The following UBE2QL1 variants were observed in gnomAD, a reference collection of about 807,000 sequenced individuals.
UBE2QL1 encodes the protein ubiquitin-conjugating enzyme E2Q-like protein 1.
UBE2QL1 carries 5 observed loss-of-function variants against 12.6 expected under a neutral mutation model. The observed-to-expected ratio is 0.40, with a 90% confidence interval of 0.21 to 0.83. UBE2QL1 has a LOEUF of 0.83. UBE2QL1 is among the 40% of genes least tolerant of loss of function. The pLI, the probability that UBE2QL1 is intolerant of heterozygous loss-of-function variation, is 0.37. For synonymous variants in UBE2QL1, 96 were observed against 94.5 expected (o/e 1.02, Z -0.10); for missense variants, 99 against 222.6 (o/e 0.44, Z 3.53).
In UBE2QL1 at chr5:6,478,598, TA is replaced by T. The variant is rs1734286100; in HGVS notation, c.355-12619del. 6.6e-6 allele frequency among the ~76,000 whole-genome samples: 1 copy of T among 151,762 alleles called. No individual in the cohort carries two copies. Among genetic ancestry groups the T allele is most frequent in the Non-Finnish European group, 1.5e-5 (1 of 67,938 alleles). ...AGGCTCTGATTCCTGTCACATTTCCTAGTGACATTCTTGGTCTCTTTCGGTT... is the reference window on the plus strand; with the variant it reads ...AGGCTCTGATTCCTGTCACATTTCCTGTGACATTCTTGGTCTCTTTCGGTT... On this transcript the variant is annotated intron_variant, in intron 1 of 1. Coordinates refer to ENST00000399816, the MANE Select transcript of UBE2QL1 (RefSeq NM_001145161.3). The surrounding 1 kb of genome is among the most constrained non-coding windows in gnomAD (Gnocchi z 4.5).
rs1403173482 is a variant in UBE2QL1 at position 6,487,340 on chromosome 5, G to C, written c.355-3878G>C. ...GTTTTGTTTGACAGATGCAGCCCTG[G>C]AGAATTGTATTCTCATTAACACTGT... On this transcript the variant is annotated intron_variant, in intron 1 of 1. Transcript: ENST00000399816. Among the ~76,000 whole-genome samples the C allele has an allele frequency of 2.6e-5, 4 of 152,350 alleles. No homozygotes were observed. The East Asian group carries it at 7.7e-4, about 29-fold the overall frequency.
chr5:6,468,967 A>AG (rs1421545051), intron 1 of UBE2QL1, among the ~76,000 whole-genome samples: 1 of 152,224 alleles, frequency 6.6e-6, no homozygotes, highest in East Asian at 1.9e-4. Context: ...ACTTGAGAAG[A>AG]GGGTAGAATG....
At chr5:6,490,520 G>A (rs1004611868) in intron 1 of UBE2QL1, among the ~76,000 whole-genome samples, 4 of 152,040 alleles carry the variant, frequency 2.6e-5, no homozygotes, top group Non-Finnish European at 5.9e-5. Context: ...ACCCCCTCCC[G>A]GGATCGTGTG....
chr5:6,486,411 C>T (rs888939410), intron 1 of UBE2QL1, among the ~76,000 whole-genome samples: 2 of 152,116 alleles, frequency 1.3e-5, no homozygotes, highest in African/African-American at 4.8e-5. Context: ...CATTTCACAC[C>T]TTCAATTTGG....
In UBE2QL1 at chr5:6,449,101, C is replaced by G. The variant is rs1243995457; in HGVS notation, c.208C>G (p.Arg70Gly). ...DNFPFSPPFM[R>G]VLSPRLENGY... is the part of the protein sequence containing the mutation. ...CTTCCCCTTCTCGCCGCCCTTCATG[C>G]GGGTGCTCAGCCCGCGCCTGGAGAA... Residue 70 changes from arginine to glycine, a missense_variant, in exon 1 of 2, where the codon CGG (arginine) becomes GGG (glycine). By Grantham distance (125) the Arg-to-Gly change is moderately radical. Transcript: ENST00000399816. 1 of 1,547,564 alleles carries G rather than the reference C, an allele frequency of 6.5e-7. No homozygotes were observed. Among genetic ancestry groups the G allele is most frequent in the Non-Finnish European group, 8.7e-7 (1 of 1,145,296 alleles).
chr5:6,482,302 C>T (rs920404861), intron 1 of UBE2QL1, among the ~76,000 whole-genome samples: 1 of 152,132 alleles, frequency 6.6e-6, no homozygotes, highest in Non-Finnish European at 1.5e-5. Context: ...TTCAAGCCCC[C>T]AGTTGGAGTG....
intron 1 of UBE2QL1, among the ~76,000 whole-genome samples, chr5:6,458,665 A>G (rs1326701490): frequency 2.6e-5 from 4 of 152,226 alleles, no homozygotes; most frequent in African/African-American, 9.6e-5. Context: ...AATTGCTGCT[A>G]GGATTAATTT....
chr5:6,472,969 G>A (rs1016946666), intron 1 of UBE2QL1, among the ~76,000 whole-genome samples: 2 of 152,106 alleles, frequency 1.3e-5, no homozygotes, highest in African/African-American at 4.8e-5. Context: ...TCCTTTCTCT[G>A]CAGTAAACAC....
intron 1 of UBE2QL1, among the ~76,000 whole-genome samples, chr5:6,482,113 G>A (rs972996929): frequency 1.3e-5 from 2 of 152,216 alleles, no homozygotes; most frequent in African/African-American, 2.4e-5. Flanking sequence ...GATTCACAGA[G>A]AACACCGTAT....
rs930417770 is a variant in UBE2QL1, at chr5:6,476,564, A to C, written c.355-14654A>C. On this transcript the variant is annotated intron_variant, in intron 1 of 1. Transcript: ENST00000399816. This position sits in a 1 kb window ranked among gnomAD's most constrained non-coding sequence, Gnocchi z 4.9. The stretch of plus-strand genomic sequence containing the variant: ...CTGGGGGGCTCGGTTAAAGAGCCAC[A>C]TGCGGCACCCCTCAGGTGTACACTA... 1.3e-5 allele frequency among the ~76,000 whole-genome samples: 2 copies of C among 152,160 alleles called. No individual in the cohort carries two copies. The highest frequency in any genetic ancestry group is 4.8e-5 in the African/African-American group (2 of 41,430).
chr5:6,482,986 C>G (rs901186058), intron 1 of UBE2QL1, among the ~76,000 whole-genome samples: 2 of 152,210 alleles, frequency 1.3e-5, no homozygotes, highest in Admixed American at 1.3e-4. Flanking sequence ...TCCGTGGTTG[C>G]GCACCACCCA....
At chr5:6,467,571 G>A (rs1268464754) in intron 1 of UBE2QL1, among the ~76,000 whole-genome samples, 34 of 152,094 alleles carry the variant, frequency 2.2e-4, no homozygotes, top group Admixed American at 2.2e-3. Flanking sequence ...ATACAGTCTC[G>A]TTCTGAGGTG....
Position 6,476,614 on chromosome 5 carries a change from TATA to T in UBE2QL1, c.355-14600_355-14598del, listed in dbSNP as rs1368497702. Among the ~76,000 whole-genome samples, 1 of 152,108 alleles carries T rather than the reference TATA, an allele frequency of 6.6e-6. No individual in the cohort carries two copies. Among genetic ancestry groups the T allele is most frequent in the Non-Finnish European group, 1.5e-5 (1 of 68,030 alleles). ...ATTTTACCTGCTCCTAAGCTTACTA[TATA>T]ATATTTGTGAACTGCTGCAGAAAGC... On this transcript the variant is annotated intron_variant, in intron 1 of 1. Transcript: ENST00000399816. The surrounding 1 kb of genome is among the most constrained non-coding windows in gnomAD (Gnocchi z 4.9).
At chr5:6,488,165 C>G (rs1011160488) in intron 1 of UBE2QL1, among the ~76,000 whole-genome samples, 1 of 152,214 alleles carries the variant, frequency 6.6e-6, no homozygotes, top group Non-Finnish European at 1.5e-5. Context: ...TGTCTCCCAG[C>G]TGTGGAATTG....
At chr5:6,465,894 C>T (rs74520540) in intron 1 of UBE2QL1, among the ~76,000 whole-genome samples, 2,333 of 152,280 alleles carry the variant, frequency 0.015, 61 homozygotes, top group African/African-American at 0.054. Flanking sequence ...TTTTACCCCG[C>T]GCAAAGCGTT....
intron 1 of UBE2QL1, among the ~76,000 whole-genome samples, chr5:6,456,277 C>T (rs1447384880): frequency 6.6e-6 from 1 of 152,138 alleles, no homozygotes; most frequent in Non-Finnish European, 1.5e-5. Flanking sequence ...AGACAGTGGC[C>T]TGGGTATATA....
chr5:6,482,743 G>A (rs554640972), intron 1 of UBE2QL1, among the ~76,000 whole-genome samples: 3 of 152,320 alleles, frequency 2.0e-5, no homozygotes, highest in East Asian at 3.9e-4. Context: ...CAGTGCACAC[G>A]GCTGGGAACG....
At chr5:6,471,561 GGAGA>G (rs773399435) in intron 1 of UBE2QL1, among the ~76,000 whole-genome samples, 1 of 152,060 alleles carries the variant, frequency 6.6e-6, no homozygotes, top group East Asian at 1.9e-4. Context: ...AGGGAGCTAG[GGAGA>G]GAGAGAGAGG....
At chr5:6,469,153 G>A (rs1459509996) in intron 1 of UBE2QL1, among the ~76,000 whole-genome samples, 1 of 152,172 alleles carries the variant, frequency 6.6e-6, no homozygotes, top group Non-Finnish European at 1.5e-5. Flanking sequence ...TTGATGGAGG[G>A]CAGCAAATCT....
Sources: gnomAD v4.1 joint callset for allele counts (sites outside exome capture counted in the v4.1 genomes callset) on GRCh38, gnomAD v4.1.1 for gene constraint, Gnocchi (gnomAD v3.1) non-coding constraint, MANE v1.5 for transcripts, NCBI Gene and HGNC (gene_info 2026-07-23, HGNC 2026-07-21) for gene names.